Variants in L3MBTL4 observed in about 807,000 individuals in gnomAD.
L3MBTL4 encodes the protein lethal(3)malignant brain tumor-like protein 4.
Under a neutral mutation model 84.5 loss-of-function variants are expected in L3MBTL4, and 70 were observed. The observed-to-expected ratio is 0.83, with a 90% CI of 0.68 to 1.01. L3MBTL4 has a LOEUF of 1.01. Ranked by LOEUF, L3MBTL4 falls within the 50% of genes least tolerant of loss-of-function variation. The pLI is 0.00. For synonymous variants in L3MBTL4, 274 were observed against 259.8 expected, an observed-to-expected ratio of 1.05 and a Z score of -0.52; for missense variants, 715 against 754.8, an observed-to-expected ratio of 0.95 and a Z score of 0.62.
intron 10 of L3MBTL4, among the ~76,000 whole-genome samples, chr18:6,235,654 T>A (rs9953313): frequency 1.3e-5 from 2 of 152,200 alleles, no homozygotes; most frequent in Non-Finnish European, 2.9e-5. Context: ...GGAAAGCTGA[T>A]TAAAGGTGCC....
intron 16 of L3MBTL4, among the ~76,000 whole-genome samples, chr18:6,064,693 T>C (rs1048022862): frequency 1.2e-4 from 18 of 151,954 alleles, no homozygotes; most frequent in African/African-American, 3.4e-4. Context: ...TTGTGTACAT[T>C]GATTTTGTAG....
At position 6,021,779 on chromosome 18, in the gene L3MBTL4, C is replaced by T. The variant is rs550670414; in HGVS notation, c.1445-52217G>A. Among the ~76,000 whole-genome samples, 39 of 152,056 alleles carry T rather than the reference C, an allele frequency of 2.6e-4. No homozygotes were observed. In the East Asian group the frequency reaches 4.5e-3, roughly 17 times the overall value. ...CTGGTGCAGCGGGGTGGGGGGGTGG[C>T]GGGTTTATCAGCCTCCCTGCCAGCT... is the stretch of plus-strand genomic sequence containing the variant. On this transcript the variant is annotated intron_variant, in intron 16 of 18. Transcript: ENST00000317931.
At chr18:6,335,692 A>T (rs1324737646) in intron 1 of L3MBTL4, among the ~76,000 whole-genome samples, 1 of 152,132 alleles carries the variant, frequency 6.6e-6, no homozygotes, top group Non-Finnish European at 1.5e-5. Flanking sequence ...AGTTTCTGCC[A>T]TGCTGTTCTG....
chr18:6,385,467 C>T (rs933498048), intron 1 of L3MBTL4, among the ~76,000 whole-genome samples: 4 of 151,856 alleles, frequency 2.6e-5, no homozygotes, highest in African/African-American at 9.7e-5. Flanking sequence ...TAAAGATTCC[C>T]AACAGTCACT....
chr18:6,301,674 G>A (rs1193089752), intron 4 of L3MBTL4, among the ~76,000 whole-genome samples: 1 of 152,076 alleles, frequency 6.6e-6, no homozygotes, highest in Non-Finnish European at 1.5e-5. Context: ...CTTTTTAAAA[G>A]GCAAATAAAT....
intron 15 of L3MBTL4, among the ~76,000 whole-genome samples, chr18:6,084,373 C>A (rs2058187089): frequency 6.6e-6 from 1 of 152,060 alleles, no homozygotes; most frequent in Admixed American, 6.6e-5. Context: ...TATTTACCAT[C>A]CGGCTCTTTA....
chr18:5,969,549 C>A lies in L3MBTL4; in HGVS notation c.1458G>T (p.Glu486Asp). 1 of 1,605,774 alleles carries A rather than the reference C, an allele frequency of 6.2e-7. No homozygotes were observed. The highest frequency in any genetic ancestry group is 8.5e-7 in the Non-Finnish European group (1 of 1,175,628). Residue 486 changes from glutamate to aspartate, a missense_variant, in exon 17 of 19, where the codon GAG becomes GAT. Transcript: ENST00000317931. ...ACTGGTGAAGCACCTGCTGCGCCTG[C>A]TCCACCGAGTATTCTGTAAGAGAGG... ...LDNLFREYSV[E>D]QAQQVLHQSV...
chr18:6,230,985 T>C (rs2046977267), intron 10 of L3MBTL4, among the ~76,000 whole-genome samples: 1 of 152,186 alleles, frequency 6.6e-6, no homozygotes, highest in Non-Finnish European at 1.5e-5. Flanking sequence ...TATTAGACTT[T>C]TGTCAATGCA....
intron 16 of L3MBTL4, among the ~76,000 whole-genome samples, chr18:6,001,693 A>G (rs934700738): frequency 2.6e-5 from 4 of 152,194 alleles, no homozygotes; most frequent in African/African-American, 9.6e-5. Context: ...ATTTGAGTAG[A>G]AGTAAGAATT....
intron 5 of L3MBTL4, among the ~76,000 whole-genome samples, chr18:6,247,466 ATTTTT>A (rs71163266): frequency 0.012 from 602 of 49,542 alleles, 10 homozygotes; most frequent in African/African-American, 0.061. Context: ...CCCTCCTCTG[ATTTTT>A]TTTTTTTTTT....
At chr18:6,072,003 A>C (rs1460489368) in intron 16 of L3MBTL4, among the ~76,000 whole-genome samples, 3 of 152,206 alleles carry the variant, frequency 2.0e-5, no homozygotes, top group African/African-American at 7.2e-5. Context: ...TATAACAAAC[A>C]AATACTAATC....
chr18:6,179,683 C>G lies in L3MBTL4; in HGVS notation c.982-7741G>C, dbSNP rs557656897. Reference sequence around the variant, plus strand: ...TAATGTGTGTGTGTGGACACACATACACAGACATGGCACAGCCACAGCTCA... The same window carrying G: ...TAATGTGTGTGTGTGGACACACATAGACAGACATGGCACAGCCACAGCTCA... On this transcript the variant is annotated intron_variant, in intron 12 of 18. Transcript: ENST00000317931. Among the ~76,000 whole-genome samples, 7 of 152,338 alleles carry G rather than the reference C, an allele frequency of 4.6e-5. No homozygotes were observed. The South Asian group carries it at 1.5e-3, about 32-fold the overall frequency.
chr18:6,078,715 T>TG (rs907904260), intron 16 of L3MBTL4, among the ~76,000 whole-genome samples: 4 of 151,630 alleles, frequency 2.6e-5, no homozygotes, highest in African/African-American at 9.7e-5. Context: ...AGACCAGGGG[T>TG]GGGGGGATGG....
At chr18:6,235,629 C>T (rs1599273282) in intron 10 of L3MBTL4, among the ~76,000 whole-genome samples, 1 of 152,172 alleles carries the variant, frequency 6.6e-6, no homozygotes, top group East Asian at 1.9e-4. Context: ...CAAGAATAGG[C>T]AAAGTCATAG....
At chr18:6,284,543 C>G (rs1049589893) in intron 4 of L3MBTL4, among the ~76,000 whole-genome samples, 1 of 152,236 alleles carries the variant, frequency 6.6e-6, no homozygotes, top group South Asian at 2.1e-4. Flanking sequence ...GCTCCCACAC[C>G]GCCGCAGCGC....
intron 15 of L3MBTL4, among the ~76,000 whole-genome samples, chr18:6,085,581 G>A (rs950195876): frequency 1.3e-5 from 2 of 152,172 alleles, no homozygotes; most frequent in Non-Finnish European, 2.9e-5. Flanking sequence ...GTACTCATAA[G>A]ATCTGATGGT....
chr18:6,222,685 G>T (rs1013817588), intron 10 of L3MBTL4, among the ~76,000 whole-genome samples: 1 of 151,948 alleles, frequency 6.6e-6, no homozygotes, highest in Non-Finnish European at 1.5e-5. Flanking sequence ...CAATCCTCAC[G>T]TTATATCTTT....
chr18:6,046,884 G>T, intron 16 of L3MBTL4: 1 of 580,436 alleles, frequency 1.7e-6, no homozygotes, highest in Non-Finnish European at 3.1e-6. Flanking sequence ...ACTAGCAGAA[G>T]AAAAGAATTG....
chr18:5,964,495 G>A (rs1408674123), intron 17 of L3MBTL4, among the ~76,000 whole-genome samples: 1 of 151,914 alleles, frequency 6.6e-6, no homozygotes, highest in Non-Finnish European at 1.5e-5. Context: ...TTCTTTAACA[G>A]CAGAGTTTAT....
Sources: gnomAD v4.1 joint callset for allele counts (sites outside exome capture counted in the v4.1 genomes callset) on GRCh38, gnomAD v4.1.1 for gene constraint, MANE v1.5 for transcripts, NCBI Gene and HGNC (gene_info 2026-07-23, HGNC 2026-07-21) for gene names.